UPF2: variants seen among roughly 807,000 people sequenced by gnomAD.
UPF2 encodes regulator of nonsense transcripts 2.
Under a neutral mutation model 141.4 loss-of-function variants are expected in UPF2, and 17 were observed. The observed-to-expected ratio is 0.12, with a 90% CI of 0.08 to 0.18. The LOEUF is 0.18. UPF2 is among the 10% of genes least tolerant of loss of function. The pLI is 1.00. For synonymous variants in UPF2, 540 were observed against 498.0 expected (o/e 1.08, Z -1.12); for missense variants, 1,152 against 1,515.9 (o/e 0.76, Z 3.99).
chr10:11,946,887 G>C (rs1588531521), intron 16 of UPF2, among the ~76,000 whole-genome samples: 1 of 152,232 alleles, frequency 6.6e-6, no homozygotes. Flanking sequence ...ACATTTAAAC[G>C]TAAGTGAGTT....
chr10:11,966,189 C>T (rs1833317245), intron 10 of UPF2, among the ~76,000 whole-genome samples: 1 of 152,094 alleles, frequency 6.6e-6, no homozygotes, highest in African/African-American at 2.4e-5. Context: ...ATTAGATCAC[C>T]ATTGGTAACT....
intron 15 of UPF2, among the ~76,000 whole-genome samples, chr10:11,949,956 A>C (rs1326160730): frequency 6.6e-6 from 1 of 152,210 alleles, no homozygotes; most frequent in Admixed American, 6.5e-5. Context: ...GAATACAGCC[A>C]ATTACAAAAC....
intron 8 of UPF2, among the ~76,000 whole-genome samples, chr10:11,986,489 C>G (rs1833694414): frequency 6.6e-6 from 1 of 152,124 alleles, no homozygotes; most frequent in African/African-American, 2.4e-5. Flanking sequence ...AATCAATTGG[C>G]TTTCTAAAAG....
intron 3 of UPF2, among the ~76,000 whole-genome samples, chr10:12,026,046 A>C (rs956924644): frequency 1.3e-5 from 2 of 152,164 alleles, no homozygotes; most frequent in Non-Finnish European, 2.9e-5. Flanking sequence ...CTTCTGCCTC[A>C]GCCTCCCAAA....
chr10:11,929,949 G>A lies in UPF2; in HGVS notation c.3725C>T (p.Ala1242Val). 1.2e-6 allele frequency: 2 copies of A among 1,614,234 alleles called. No homozygotes were observed. Among genetic ancestry groups the A allele is most frequent in the Non-Finnish European group, 1.7e-6 (2 of 1,180,046 alleles). The stretch of plus-strand genomic sequence containing the variant: ...AGGCCGCCTCTCACGATTGGTGTTT[G>A]CTGGAGCTGGGCGCTGTGCAAGAGA... ...LQSLAQRPAP[A>V]NTNRERRPRY... Residue 1242 changes from alanine to valine, a missense_variant, in exon 21 of 22, where the codon GCA becomes GTA. Ala to Val is a moderately conservative substitution (Grantham distance 64, BLOSUM62 0). Transcript: ENST00000357604.
chr10:11,955,586 T>C, intron 13 of UPF2, 79 bp from the exon 14 acceptor site: 1 of 1,363,242 alleles, frequency 7.3e-7, no homozygotes, highest in South Asian at 1.5e-5. Context: ...TCTCTGTAAC[T>C]TGAAAATATC....
chr10:12,022,592 A>G (rs1165597845), intron 3 of UPF2, among the ~76,000 whole-genome samples: 1 of 152,196 alleles, frequency 6.6e-6, no homozygotes. Flanking sequence ...TATCTAGGAC[A>G]TAATTTTAGA....
At chr10:11,927,104 C>A (rs555035091) in intron 21 of UPF2, among the ~76,000 whole-genome samples, 1 of 152,316 alleles carries the variant, frequency 6.6e-6, no homozygotes, top group Non-Finnish European at 1.5e-5. Flanking sequence ...TGGACCACAA[C>A]CGTGCAGGTA....
chr10:11,962,200 A>G (rs1833252317), intron 11 of UPF2, among the ~76,000 whole-genome samples: 1 of 152,224 alleles, frequency 6.6e-6, no homozygotes, highest in South Asian at 2.1e-4. Context: ...ACACTCACAC[A>G]TACCCCAAAC....
intron 5 of UPF2, among the ~76,000 whole-genome samples, chr10:12,002,435 G>A (rs1564362396): frequency 6.6e-6 from 1 of 151,952 alleles, no homozygotes; most frequent in Non-Finnish European, 1.5e-5. Context: ...AGATGAGGGG[G>A]AAAAAAGGCT....
intron 14 of UPF2, 148 bp from the exon 15 acceptor site, chr10:11,952,397 G>A (rs1833087134): frequency 3.3e-6 from 2 of 597,754 alleles, no homozygotes; most frequent in Non-Finnish European, 5.4e-6. Flanking sequence ...ATGGTCAACA[G>A]CAATGATCCT....
At chr10:12,026,646 CTTT>C (rs760035093) in intron 3 of UPF2, 850 of 385,812 alleles carry the variant, frequency 2.2e-3, no homozygotes, top group Admixed American at 3.3e-3. Flanking sequence ...TTCCTATAAA[CTTT>C]TTTTTTTTTT....
At chr10:12,020,569 G>C (rs1216394851) in intron 3 of UPF2, among the ~76,000 whole-genome samples, 1 of 152,164 alleles carries the variant, frequency 6.6e-6, no homozygotes, top group Non-Finnish European at 1.5e-5. Flanking sequence ...GACAGAAAGA[G>C]AAATTCTCAT....
intron 12 of UPF2, among the ~76,000 whole-genome samples, chr10:11,958,948 G>C (rs1437346702): frequency 3.3e-5 from 5 of 152,114 alleles, no homozygotes; most frequent in Non-Finnish European, 7.4e-5. Flanking sequence ...AAATTTACTA[G>C]AGTTACTATT....
At chr10:11,946,327 T>C (rs1471610564) in intron 16 of UPF2, among the ~76,000 whole-genome samples, 1 of 152,250 alleles carries the variant, frequency 6.6e-6, no homozygotes, top group Non-Finnish European at 1.5e-5. Flanking sequence ...TTAATCACCT[T>C]AAATTATGAG....
chr10:11,979,827 C>A lies in UPF2; in HGVS notation c.1845-662G>T, dbSNP rs959415297. ...GGCTAAGGCAGGAGAATTGCTTGAACCCAGGAGGTAGAAGTTGCAGTGAGC... is the reference window on the plus strand; with the variant it reads ...GGCTAAGGCAGGAGAATTGCTTGAAACCAGGAGGTAGAAGTTGCAGTGAGC... On this transcript the variant is annotated intron_variant, in intron 8 of 21. Coordinates refer to ENST00000357604, the MANE Select transcript of UPF2 (RefSeq NM_015542.4). This position sits in a 1 kb window ranked among gnomAD's most constrained non-coding sequence, Gnocchi z 6.2. Among the ~76,000 whole-genome samples the A allele has an allele frequency of 6.6e-6, 1 of 152,158 alleles. No individual in the cohort carries two copies. Among genetic ancestry groups the A allele is most frequent in the African/African-American group, 2.4e-5 (1 of 41,446 alleles).
intron 9 of UPF2, among the ~76,000 whole-genome samples, chr10:11,970,705 G>A (rs1433525920): frequency 6.6e-6 from 1 of 152,078 alleles, no homozygotes. Flanking sequence ...CCAGCTACTC[G>A]GGAGGCTGAG....
At chr10:11,993,531 A>G (rs1833816346) in intron 8 of UPF2, among the ~76,000 whole-genome samples, 2 of 151,622 alleles carry the variant, frequency 1.3e-5, no homozygotes, top group Non-Finnish European at 3.0e-5. Flanking sequence ...AATTCCAAAA[A>G]AAAAACCAGA....
chr10:11,966,838 T>A (rs1393336579), intron 10 of UPF2, among the ~76,000 whole-genome samples: 1 of 152,192 alleles, frequency 6.6e-6, no homozygotes, highest in African/African-American at 2.4e-5. Context: ...TTTCTACAGC[T>A]CTCCAGGGAT....
Sources: gnomAD v4.1 joint callset for allele counts (sites outside exome capture counted in the v4.1 genomes callset) on GRCh38, gnomAD v4.1.1 for gene constraint, Gnocchi (gnomAD v3.1) non-coding constraint, MANE v1.5 for transcripts, NCBI Gene and HGNC (gene_info 2026-07-23, HGNC 2026-07-21) for gene names.